PPP2R3B: variants seen among roughly 807,000 people sequenced by gnomAD.
The protein encoded by PPP2R3B is protein phosphatase 2 regulatory subunit B''beta, also known as serine/threonine-protein phosphatase 2A regulatory subunit B'' subunit beta.
A neutral mutation model predicts 72.9 loss-of-function variants in PPP2R3B; 68 were observed. The observed-to-expected ratio is 0.93, with a 90% CI of 0.77 to 1.14. PPP2R3B has a LOEUF of 1.14. PPP2R3B is among the 50% of genes most tolerant of loss of function. The pLI is 0.00. For missense variants in PPP2R3B, 1,018 were observed against 842.0 expected, an observed-to-expected ratio of 1.21 and a Z score of -2.59; for synonymous variants, 466 against 375.8, an observed-to-expected ratio of 1.24 and a Z score of -2.78.
intron 1 of PPP2R3B, among the ~76,000 whole-genome samples, chrX:376,940 A>G (rs2072011086): frequency 3.2e-5 from 1 of 31,496 alleles, no homozygotes; most frequent in Non-Finnish European, 6.4e-5. Context: ...TACTGTATGC[A>G]GGGACGGGCC....
rs774151034 is a variant in PPP2R3B at position 334,341 on chromosome X, CCGCGGCGGCGTTCT to C, written c.*12_*25del. ...CGGTGGTGGCACGTGGGGAGCGGCCCCGCGGCGGCGTTCTCGCGGGCGGCGTCACAGCGGCTCCA... is the reference window on the plus strand; with the variant it reads ...CGGTGGTGGCACGTGGGGAGCGGCCCCGCGGGCGGCGTCACAGCGGCTCCA... On this transcript the variant is annotated 3_prime_UTR_variant, in exon 13 of 13. Transcript: ENST00000390665. 3.4e-5 allele frequency: 50 copies of C among 1,461,072 alleles called. No homozygotes were observed. Among genetic ancestry groups the C allele is most frequent in the East Asian group, 1.3e-4 (5 of 38,276 alleles). 90.5% of individuals were successfully genotyped at this position (1,461,072 alleles called of 1,614,324 possible).
In PPP2R3B at chrX:334,303, AGCCGCGGTGGCCCGGTGGTG is replaced by A; in HGVS notation, c.*44_*63del. 7.1e-7 allele frequency: 1 copy of A among 1,415,606 alleles called. No homozygotes were observed. The allele number at this position is 1,415,606 out of a possible 1,614,324, so 87.7% of individuals were successfully genotyped here. A position where few individuals can be genotyped will look rare whatever the true frequency, so the allele number is the denominator to read the frequency against. ...CATTTTCCACAACAGTTTTTACACGAGCCGCGGTGGCCCGGTGGTGGCACGTGGGGAGCGGCCCCGCGGCG... is the reference window on the plus strand; with the variant it reads ...CATTTTCCACAACAGTTTTTACACGAGCACGTGGGGAGCGGCCCCGCGGCG... On this transcript the variant is annotated 3_prime_UTR_variant, in exon 13 of 13. Transcript: ENST00000390665.
chrX:364,065 C>G (rs1395261000), intron 1 of PPP2R3B, among the ~76,000 whole-genome samples: 4 of 152,268 alleles, frequency 2.6e-5, no homozygotes, highest in African/African-American at 4.8e-5. Flanking sequence ...GGAGCCTGAA[C>G]AGGCTCTGCC....
In PPP2R3B at chrX:386,878, G is replaced by C. The variant is rs1399660299; in HGVS notation, c.-187C>G. On this transcript the variant is annotated 5_prime_UTR_variant, in exon 1 of 13. Transcript: ENST00000390665. ...GGCGCGGGGACCGAGGAGGGGGCGC[G>C]GTCCGGCCCGCGCTGCTCAGGGCAG... 4.9e-6 allele frequency: 1 copy of C among 203,350 alleles called. No homozygotes were observed. The highest frequency in any genetic ancestry group is 1.8e-4 in the South Asian group (1 of 5,474). 12.6% of individuals were successfully genotyped at this position (203,350 alleles called of 1,614,324 possible).
At chrX:349,138 G>A (rs1424859896) in intron 2 of PPP2R3B, among the ~76,000 whole-genome samples, 2 of 152,058 alleles carry the variant, frequency 1.3e-5, no homozygotes, top group East Asian at 1.9e-4. Context: ...CAAGATCCAC[G>A]TGCTGAAATC....
In PPP2R3B at chrX:334,555, C is replaced by T. The variant is rs764800665; in HGVS notation, c.1578-38G>A. 123 of 1,457,654 alleles carry T rather than the reference C, an allele frequency of 8.4e-5. 1 individual carries two copies. Among genetic ancestry groups the T allele is most frequent in the South Asian group, 1.2e-4 (9 of 72,354 alleles). 90.3% of individuals were successfully genotyped at this position (1,457,654 alleles called of 1,614,324 possible). A position where few individuals can be genotyped will look rare whatever the true frequency, so the allele number is the denominator to read the frequency against. ...GATGGCGAAGACGTGGCCAGCAGCG[C>T]GGAGCAGGCCCTGGGCCGTTTTCCG... On this transcript the variant is annotated intron_variant, in intron 12 of 12. Coordinates refer to ENST00000390665, the MANE Select transcript of PPP2R3B (RefSeq NM_013239.5).
chrX:347,753 G>A, intron 2 of PPP2R3B, 60 bp from the exon 3 acceptor site: 1 of 1,302,288 alleles, frequency 7.7e-7, no homozygotes, highest in Non-Finnish European at 1.0e-6. Flanking sequence ...CGCTCCTGCT[G>A]CGTACCTCGC....
chrX:367,541 G>C (rs1247743465), intron 1 of PPP2R3B, among the ~76,000 whole-genome samples: 1 of 152,162 alleles, frequency 6.6e-6, no homozygotes, highest in East Asian at 1.9e-4. Flanking sequence ...GGGATCACAG[G>C]TGTGAGGCCC....
intron 5 of PPP2R3B, 179 bp from the exon 6 acceptor site, chrX:346,439 CGGGG>C (rs1272432948): frequency 7.6e-6 from 5 of 660,106 alleles, no homozygotes; most frequent in Non-Finnish European, 1.2e-5. Flanking sequence ...CCGCGGAAAG[CGGGG>C]AGGGTCTGGC....
At chrX:339,187 G>A (rs764789355) in intron 10 of PPP2R3B, among the ~76,000 whole-genome samples, 1 of 149,814 alleles carries the variant, frequency 6.7e-6, no homozygotes, top group African/African-American at 2.5e-5. Context: ...TGCTGGATCT[G>A]AAATTACAGA....
intron 1 of PPP2R3B, among the ~76,000 whole-genome samples, chrX:375,263 C>G (rs1487205866): frequency 1.3e-5 from 2 of 152,236 alleles, no homozygotes; most frequent in Non-Finnish European, 2.9e-5. Context: ...AGGGAATGTG[C>G]TCAAACCACC....
At chrX:366,593 G>C (rs1359852840) in intron 1 of PPP2R3B, among the ~76,000 whole-genome samples, 1 of 7,694 alleles carries the variant, frequency 1.3e-4, no homozygotes, top group Non-Finnish European at 2.3e-4. Flanking sequence ...AGCTACTCGG[G>C]AGGCTGAGGC....
rs769702405 is a variant in PPP2R3B, at chrX:334,377, T to G, written c.1718A>C (p.Glu573Ala). Residue 573 changes from glutamate to alanine, a missense_variant, in exon 13 of 13, where the codon GAG becomes GCG. Coordinates refer to ENST00000390665, the MANE Select transcript of PPP2R3B (RefSeq NM_013239.5). ...TTCTCGCGGGCGGCGTCACAGCGGC[T>G]CCAGGTCCTCGTCCCCGCATGCGTA... The part of the protein sequence containing the change: ...YEYACGDEDL[E>A]PL 1.3e-6 allele frequency: 2 copies of G among 1,515,206 alleles called. No homozygotes were observed. Among genetic ancestry groups the G allele is most frequent in the Non-Finnish European group, 1.8e-6 (2 of 1,137,804 alleles). 93.9% of individuals were successfully genotyped at this position (1,515,206 alleles called of 1,614,324 possible).
At chrX:363,605 A>ATCTCCCTGAGCCCGCG (rs1569404129) in intron 1 of PPP2R3B, among the ~76,000 whole-genome samples, 1 of 5,284 alleles carries the variant, frequency 1.9e-4, no homozygotes, top group Non-Finnish European at 4.1e-4. Context: ...CCGTGCCCGC[A>ATCTCCCTGAGCCCGCG]ATCCCACAAT....
At position 340,938 on chromosome X, in the gene PPP2R3B, A is replaced by C; in HGVS notation, c.1178T>G (p.Ile393Ser). 1.2e-6 allele frequency: 2 copies of C among 1,609,986 alleles called. No homozygotes were observed. Among genetic ancestry groups the C allele is most frequent in the Non-Finnish European group, 1.7e-6 (2 of 1,178,656 alleles). ...GTCCATGCAGCGGAACCAGTACTCG[A>C]TGCTGCGGCACGGCGAGCTCTGTCA... ...SEEDKKTPTSIEYWFRCMDLD... is the reference protein window; with the variant it reads ...SEEDKKTPTSSEYWFRCMDLD... Residue 393 changes from isoleucine to serine, a missense_variant and splice_region_variant, in exon 10 of 13, where the codon ATC becomes AGC. Ile to Ser is a moderately radical substitution (Grantham distance 142, BLOSUM62 -2). Coordinates refer to ENST00000390665, the MANE Select transcript of PPP2R3B (RefSeq NM_013239.5).
chrX:338,676 C>T lies in PPP2R3B; in HGVS notation c.1505G>A (p.Trp502Ter), dbSNP rs2070961689. Residue 502 changes from tryptophan to a stop codon, truncating the protein, a stop_gained, in exon 12 of 13, where the codon TGG becomes TAG. Coordinates refer to ENST00000390665, the MANE Select transcript of PPP2R3B (RefSeq NM_013239.5). LOFTEE classifies it high-confidence loss of function. The part of the protein sequence containing the change: ...GDSGGPELSD[W>*]EKYAAEEYDI... ...GTACTCCTCGGCCGCGTACTTCTCC[C>T]AGTCCGAGAGCTCGGGGCCGCCGCT... 1.2e-6 allele frequency: 2 copies of T among 1,611,540 alleles called. No homozygotes were observed. Among genetic ancestry groups the T allele is most frequent in the Non-Finnish European group, 1.7e-6 (2 of 1,179,664 alleles).
Position 361,632 on chromosome X carries a change from A to G in PPP2R3B, c.325-42T>C, listed in dbSNP as rs1274918818. 4 of 1,603,598 alleles carry G rather than the reference A, an allele frequency of 2.5e-6. No individual in the cohort carries two copies. The Admixed American group carries it at 5.0e-5, about 20-fold the overall frequency. ...CAGCGCTCAGTTAGAACCTGGGAGC[A>G]TCGAACGCCTTCTTCACCCGGACAA... On this transcript the variant is annotated intron_variant, in intron 1 of 12. Transcript: ENST00000390665.
Position 334,397 on chromosome X carries a change from T to C in PPP2R3B, c.1698A>G (p.Ala566=), listed in dbSNP as rs1133530. The change falls in exon 13 of 13, where the codon GCA becomes GCG. Residue 566 remains alanine, a synonymous_variant. Transcript: ENST00000390665. ...PLGAVDLYEY[A]CGDEDLEPL Reference sequence around the variant, plus strand: ...GCGGCTCCAGGTCCTCGTCCCCGCATGCGTACTCGTACAGGTCCACGGCGC... The same window carrying C: ...GCGGCTCCAGGTCCTCGTCCCCGCACGCGTACTCGTACAGGTCCACGGCGC... 0.43 allele frequency: 670,846 copies of C among 1,556,442 alleles called. 151,304 individuals are homozygous for C. Among genetic ancestry groups the C allele is most frequent in the African/African-American group, 0.8 (57,036 of 71,472 alleles).
chrX:356,994 C>A (rs1352063789), intron 2 of PPP2R3B, among the ~76,000 whole-genome samples: 1 of 139,714 alleles, frequency 7.2e-6, no homozygotes, highest in Non-Finnish European at 1.5e-5. Context: ...ACACACATAG[C>A]GAAACATCTT....
Sources: gnomAD v4.1 joint callset for allele counts (sites outside exome capture counted in the v4.1 genomes callset) on GRCh38, gnomAD v4.1.1 for gene constraint, MANE v1.5 for transcripts, NCBI Gene and HGNC (gene_info 2026-07-23, HGNC 2026-07-21) for gene names.